The following PDE3A variants were observed in gnomAD, a reference collection of about 807,000 sequenced individuals.
PDE3A encodes cGMP-inhibited 3',5'-cyclic phosphodiesterase 3A.
Under a neutral mutation model 98.3 loss-of-function variants are expected in PDE3A, and 43 were observed. The ratio of observed to expected loss-of-function variants is 0.44; its 90% confidence interval spans 0.34 to 0.56. PDE3A has a LOEUF of 0.56. Ranked by LOEUF, PDE3A falls within the 20% of genes least tolerant of loss-of-function variation. The pLI is 0.01. For synonymous variants in PDE3A, 663 were observed against 567.9 expected (o/e 1.17, Z -2.38); for missense variants, 1,427 against 1,440.7 (o/e 0.99, Z 0.15).
At chr12:20,580,016 A>G (rs1196758781) in intron 2 of PDE3A, among the ~76,000 whole-genome samples, 2 of 152,232 alleles carry the variant, frequency 1.3e-5, no homozygotes, top group African/African-American at 4.8e-5. Context: ...GGGATGTACA[A>G]ATGAGACCAT....
At chr12:20,521,309 A>G (rs1418059402) in intron 1 of PDE3A, among the ~76,000 whole-genome samples, 9 of 152,174 alleles carry the variant, frequency 5.9e-5, no homozygotes, top group Admixed American at 5.2e-4. Flanking sequence ...AATTTGTGGT[A>G]CGAAAGAGGA....
intron 1 of PDE3A, among the ~76,000 whole-genome samples, chr12:20,480,823 A>G (rs1945609539): frequency 6.6e-6 from 1 of 152,234 alleles, no homozygotes; most frequent in Non-Finnish European, 1.5e-5. Flanking sequence ...AAGCTCTCAA[A>G]GTAACCAAAC....
intron 15 of PDE3A, among the ~76,000 whole-genome samples, chr12:20,671,327 G>A (rs185992704): frequency 0.01 from 1,545 of 151,778 alleles, 44 homozygotes; most frequent in East Asian, 0.086. Flanking sequence ...GAAAAACAGG[G>A]AATCCTCCCT....
intron 2 of PDE3A, among the ~76,000 whole-genome samples, chr12:20,593,083 T>C (rs1311731478): frequency 6.6e-6 from 1 of 152,188 alleles, no homozygotes; most frequent in Non-Finnish European, 1.5e-5. Flanking sequence ...CAAAGTACTA[T>C]GGAGACTTCG....
intron 1 of PDE3A, among the ~76,000 whole-genome samples, chr12:20,534,669 C>T (rs767628778): frequency 1.9e-4 from 29 of 152,130 alleles, no homozygotes; most frequent in Non-Finnish European, 3.8e-4. Flanking sequence ...TAAGGGGGCT[C>T]AGGCTGCAAT....
At chr12:20,489,449 G>C (rs1220583400) in intron 1 of PDE3A, among the ~76,000 whole-genome samples, 1 of 152,080 alleles carries the variant, frequency 6.6e-6, no homozygotes, top group Non-Finnish European at 1.5e-5. Context: ...AAAAAACATT[G>C]TTTTGGGTCT....
chr12:20,493,424 G>A (rs901566227), intron 1 of PDE3A, among the ~76,000 whole-genome samples: 6 of 152,094 alleles, frequency 3.9e-5, no homozygotes, highest in African/African-American at 1.4e-4. Context: ...TGTATTTTAA[G>A]TAATCCAGAG....
intron 1 of PDE3A, among the ~76,000 whole-genome samples, chr12:20,421,376 T>C (rs1490140107): frequency 6.6e-6 from 1 of 152,218 alleles, no homozygotes; most frequent in Non-Finnish European, 1.5e-5. Context: ...TTTTTATACA[T>C]GTCTTTATCG....
At chr12:20,666,428 C>A (rs551963230) in intron 15 of PDE3A, among the ~76,000 whole-genome samples, 1 of 152,158 alleles carries the variant, frequency 6.6e-6, no homozygotes. Context: ...TTCCTCCTAA[C>A]CCCCAACCAT....
chr12:20,597,727 C>G (rs996635772), intron 2 of PDE3A, among the ~76,000 whole-genome samples: 1 of 152,160 alleles, frequency 6.6e-6, no homozygotes, highest in African/African-American at 2.4e-5. Context: ...ATCCTCTAAC[C>G]CCTTTCAGTT....
rs557761868 is a variant in PDE3A at position 20,547,266 on chromosome 12, T to C, written c.961-9394T>C. ...ACTTGTTCTCCCTTCGTTTATTCTA[T>C]TCTAAGCTTCTTTATAGCTTTATCA... On this transcript the variant is annotated intron_variant, in intron 1 of 15. Coordinates refer to ENST00000359062, the MANE Select transcript of PDE3A (RefSeq NM_000921.5). Among the ~76,000 whole-genome samples, 11 of 152,304 alleles carry C rather than the reference T, an allele frequency of 7.2e-5. No homozygotes were observed. In the East Asian group the frequency reaches 2.1e-3, roughly 29 times the overall value.
intron 1 of PDE3A, among the ~76,000 whole-genome samples, chr12:20,382,348 C>A (rs1031774113): frequency 1.3e-5 from 2 of 151,800 alleles, no homozygotes; most frequent in Admixed American, 6.6e-5. Context: ...TTGGCTCAGA[C>A]AAGAAGGGTC....
chr12:20,545,357 A>C (rs2121232647), intron 1 of PDE3A, among the ~76,000 whole-genome samples: 1 of 152,138 alleles, frequency 6.6e-6, no homozygotes, highest in South Asian at 2.1e-4. Context: ...GAATATCTGA[A>C]TTTGCCTCTA....
intron 9 of PDE3A, 58 bp downstream of exon 9, chr12:20,637,295 C>A: frequency 7.6e-7 from 1 of 1,317,116 alleles, no homozygotes; most frequent in Non-Finnish European, 1.0e-6. Context: ...TCCTTTGTTG[C>A]TTAAAGCTCT....
chr12:20,537,293 C>G (rs1331884970), intron 1 of PDE3A, among the ~76,000 whole-genome samples: 2 of 152,032 alleles, frequency 1.3e-5, no homozygotes, highest in African/African-American at 2.4e-5. Flanking sequence ...ATTTCATATA[C>G]AAGCTTTCTG....
intron 1 of PDE3A, among the ~76,000 whole-genome samples, chr12:20,473,176 T>C (rs899038049): frequency 6.6e-6 from 1 of 152,174 alleles, no homozygotes; most frequent in Non-Finnish European, 1.5e-5. Flanking sequence ...AAAGAGTATA[T>C]ATAATATTGG....
Position 20,536,837 on chromosome 12 carries a change from G to A in PDE3A, c.961-19823G>A, listed in dbSNP as rs112128097. Among the ~76,000 whole-genome samples, 14 of 152,162 alleles carry A rather than the reference G, an allele frequency of 9.2e-5. 1 individual carries two copies. Among genetic ancestry groups the A allele is most frequent in the African/African-American group, 3.4e-4 (14 of 41,548 alleles). Reference sequence around the variant, plus strand: ...TTGCTTTTTGGCTATTATGAATAATGCTGCTATTAACATTTGTGTTCAAAT... The same window carrying A: ...TTGCTTTTTGGCTATTATGAATAATACTGCTATTAACATTTGTGTTCAAAT... On this transcript the variant is annotated intron_variant, in intron 1 of 15. Coordinates refer to ENST00000359062, the MANE Select transcript of PDE3A (RefSeq NM_000921.5).
chr12:20,667,717 G>T (rs1007717071), intron 15 of PDE3A, among the ~76,000 whole-genome samples: 4 of 152,048 alleles, frequency 2.6e-5, no homozygotes, highest in Admixed American at 2.0e-4. Flanking sequence ...CTCCATCTTT[G>T]TTCTTTTCGT....
At chr12:20,450,148 A>G (rs1945039418) in intron 1 of PDE3A, 1 of 380,212 alleles carries the variant, frequency 2.6e-6, no homozygotes, top group Non-Finnish European at 5.0e-6. Flanking sequence ...ATTGCCATTT[A>G]TTATGCTTTA....
Sources: gnomAD v4.1 joint callset for allele counts (sites outside exome capture counted in the v4.1 genomes callset) on GRCh38, gnomAD v4.1.1 for gene constraint, MANE v1.5 for transcripts, NCBI Gene and HGNC (gene_info 2026-07-23, HGNC 2026-07-21) for gene names.